The following EML1 variants were observed in gnomAD, a reference collection of about 807,000 sequenced individuals.
EML1 encodes EMAP like 1.
EML1 carries 27 observed loss-of-function variants against 110.4 expected under a neutral mutation model. The ratio of observed to expected loss-of-function variants is 0.24; its 90% CI spans 0.18 to 0.34. The LOEUF (loss-of-function observed/expected upper bound fraction) is 0.34. Ranked by LOEUF, EML1 falls within the 10% of genes least tolerant of loss-of-function variation. The pLI is 1.00. For synonymous variants in EML1, 344 were observed against 385.8 expected, an observed-to-expected ratio of 0.89 and a Z score of 1.27; for missense variants, 741 against 1,030.9, an observed-to-expected ratio of 0.72 and a Z score of 3.85.
chr14:99,890,250 C>T lies in EML1; in HGVS notation c.519-949C>T, dbSNP rs117364259. On this transcript the variant is annotated intron_variant, in intron 4 of 21. Transcript: ENST00000262233. Reference sequence around the variant, plus strand: ...CTTGACTCCCGTTTATTTCCTGTGTCGTCTTTTGTATCTTAAAGCAGGCAG... The same window carrying T: ...CTTGACTCCCGTTTATTTCCTGTGTTGTCTTTTGTATCTTAAAGCAGGCAG... Among the ~76,000 whole-genome samples the T allele has an allele frequency of 9.9e-5, 15 of 152,262 alleles. No individual in the cohort carries two copies. In the East Asian group the frequency reaches 1.5e-3, roughly 16 times the overall value.
chr14:99,775,123 GAGCATCAC>G (rs1344911560), intron 1 of EML1, among the ~76,000 whole-genome samples: 20 of 152,254 alleles, frequency 1.3e-4, no homozygotes, highest in African/African-American at 4.8e-4. Context: ...CACAGAGGCA[GAGCATCAC>G]AGCATCACAG....
chr14:99,915,069 C>A, intron 15 of EML1: 1 of 274,914 alleles, frequency 3.6e-6, no homozygotes, highest in Non-Finnish European at 6.8e-6. Context: ...GTACTAAACA[C>A]ACGATTGAAT....
At chr14:99,916,063 C>T (rs72710059) in intron 15 of EML1, among the ~76,000 whole-genome samples, 35,682 of 152,160 alleles carry the variant, frequency 0.23, 5,058 homozygotes, top group Non-Finnish European at 0.32. Flanking sequence ...TATGTTCTAC[C>T]TATGCCCTGG....
chr14:99,909,841 A>C (rs2140047498), intron 11 of EML1, among the ~76,000 whole-genome samples: 1 of 152,226 alleles, frequency 6.6e-6, no homozygotes, highest in South Asian at 2.1e-4. Context: ...GCACCAGGGG[A>C]CAGCACCTTT....
At chr14:99,933,451 G>A (rs919410171) in intron 17 of EML1, among the ~76,000 whole-genome samples, 2 of 152,178 alleles carry the variant, frequency 1.3e-5, no homozygotes, top group Non-Finnish European at 2.9e-5. Flanking sequence ...GCTGGGATTA[G>A]AAGCGTGAGC....
rs74850781 is a variant in EML1, at chr14:99,786,465, T to C, written c.-27+12452T>C. On this transcript the variant is annotated intron_variant, in intron 1 of 22. Coordinates refer to the EML1 transcript ENST00000327921. ...CATGATGGGCATTAGGGGTATATCA[T>C]CTCCCAGGAGAGACAGACTTGTACA... 9.4e-3 allele frequency among the ~76,000 whole-genome samples: 1,430 copies of C among 152,282 alleles called. 11 individuals carry two copies. The highest frequency in any genetic ancestry group is 0.016 in the Non-Finnish European group (1,098 of 68,022).
chr14:99,759,966 G>T (rs995105479), intron 1 of EML1, among the ~76,000 whole-genome samples: 1 of 151,602 alleles, frequency 6.6e-6, no homozygotes, highest in Admixed American at 6.6e-5. Flanking sequence ...AATTAGCCGG[G>T]CGTGGTGGCG....
intron 17 of EML1, among the ~76,000 whole-genome samples, chr14:99,922,535 C>T (rs951092088): frequency 7.2e-5 from 11 of 152,034 alleles, no homozygotes; most frequent in Admixed American, 3.3e-4. Context: ...GTGAAATTGA[C>T]GGATTGTATG....
intron 1 of EML1, among the ~76,000 whole-genome samples, chr14:99,822,320 A>T (rs148667931): frequency 2.6e-5 from 4 of 152,174 alleles, no homozygotes; most frequent in African/African-American, 4.8e-5. Context: ...TATGTGTGTG[A>T]GAGAGAGAGG....
chr14:99,888,823 G>GGCTCCCCTTTT (rs1284804984), intron 4 of EML1, among the ~76,000 whole-genome samples: 5,000 of 152,180 alleles, frequency 0.033, 278 homozygotes, highest in African/African-American at 0.12. Flanking sequence ...GAGAAAAGGG[G>GGCTCCCCTTTT]AGCCCTCTTA....
intron 1 of EML1, among the ~76,000 whole-genome samples, chr14:99,809,108 A>G (rs1344006781): frequency 1.3e-5 from 2 of 152,206 alleles, no homozygotes; most frequent in African/African-American, 2.4e-5. Context: ...CTGGTAATCT[A>G]TACCTTTATA....
chr14:99,755,150 A>G (rs1392165402), intron 1 of EML1, among the ~76,000 whole-genome samples: 1 of 152,232 alleles, frequency 6.6e-6, no homozygotes, highest in Non-Finnish European at 1.5e-5. Context: ...TCTGGGCCCA[A>G]TCCCTGCTGG....
chr14:99,737,871 G>A (rs2056987788), intron 1 of EML1: 1 of 1,288,940 alleles, frequency 7.8e-7, no homozygotes, highest in African/African-American at 1.5e-5. Context: ...GTGAGTGGCA[G>A]CGCTATATTT....
chr14:99,931,726 C>T (rs768494874), intron 17 of EML1, among the ~76,000 whole-genome samples: 3 of 152,128 alleles, frequency 2.0e-5, no homozygotes, highest in Non-Finnish European at 4.4e-5. Context: ...CTTCTGGCCT[C>T]TGGTTAGCAT....
chr14:99,886,131 G>C, intron 4 of EML1: 2 of 249,748 alleles, frequency 8.0e-6, no homozygotes, highest in Non-Finnish European at 1.6e-5. Flanking sequence ...TATTTCCATG[G>C]TGGAGTATTC....
chr14:99,790,515 A>G (rs1412053198), upstream of EML1, among the ~76,000 whole-genome samples: 1 of 152,122 alleles, frequency 6.6e-6, no homozygotes, highest in African/African-American at 2.4e-5. Flanking sequence ...AAAGAAAACC[A>G]TCTTCTAATT....
At chr14:99,846,219 G>A (rs569833323) in intron 1 of EML1, among the ~76,000 whole-genome samples, 13 of 149,532 alleles carry the variant, frequency 8.7e-5, no homozygotes, top group East Asian at 2.0e-4. Context: ...ATGTTTCTGC[G>A]TTTTTGTTTA....
rs377378216 is a variant in EML1 at position 99,891,281 on chromosome 14, C to T, written c.547+54C>T. The T allele has an allele frequency of 5.0e-6, 8 of 1,609,818 alleles. No individual in the cohort carries two copies. In the African/African-American group the frequency reaches 9.3e-5, roughly 19 times the overall value. ...ACCCCTCACTCACTCTCTCAGAACT[C>T]AAGGGACAGAAAAGAAGTAGCCAGC... is the stretch of plus-strand genomic sequence containing the variant. On this transcript the variant is annotated intron_variant, in intron 5 of 21. Transcript: ENST00000262233.
intron 4 of EML1, among the ~76,000 whole-genome samples, chr14:99,888,304 C>T (rs530795956): frequency 3.3e-5 from 5 of 152,264 alleles, no homozygotes; most frequent in African/African-American, 9.6e-5. Flanking sequence ...GATTCCCTTG[C>T]GGATTTTCTC....
Sources: allele counts gnomAD v4.1 joint callset (sites outside exome capture counted in the v4.1 genomes callset), GRCh38; gene constraint gnomAD v4.1.1; transcripts MANE v1.5; gene names NCBI Gene and HGNC (gene_info 2026-07-23, HGNC 2026-07-21).